The following KCNH8 variants were observed in gnomAD, a reference collection of about 807,000 sequenced individuals.
KCNH8 encodes potassium voltage-gated channel subfamily H member 8, also known as voltage-gated delayed rectifier potassium channel KCNH8.
KCNH8 carries 70 observed loss-of-function variants against 103.6 expected under a neutral mutation model. That is an observed-to-expected ratio of 0.68 (90% CI 0.56 to 0.82). The LOEUF is 0.82. KCNH8 is among the 40% of genes least tolerant of loss of function. KCNH8 has a pLI of 0.00. For missense variants in KCNH8, 1,217 were observed against 1,329.9 expected (o/e 0.92, Z 1.32); for synonymous variants, 498 against 489.4 (o/e 1.02, Z -0.23).
intron 2 of KCNH8, among the ~76,000 whole-genome samples, chr3:19,275,998 T>G (rs2064665098): frequency 6.6e-6 from 1 of 151,978 alleles, no homozygotes; most frequent in African/African-American, 2.4e-5. Flanking sequence ...AACAAAACAG[T>G]AGCAAATATA....
intron 14 of KCNH8, among the ~76,000 whole-genome samples, chr3:19,517,285 T>C (rs184516639): frequency 7.6e-4 from 116 of 152,216 alleles, no homozygotes; most frequent in Non-Finnish European, 1.4e-3. Flanking sequence ...AAACAATTTC[T>C]TATTACTCTA....
At position 19,197,536 on chromosome 3, in the gene KCNH8, G is replaced by A. The variant is rs186790340; in HGVS notation, c.76+48741G>A. Among the ~76,000 whole-genome samples, 3 of 152,098 alleles carry A rather than the reference G, an allele frequency of 2.0e-5. No homozygotes were observed. In the East Asian group the frequency reaches 5.8e-4, roughly 29 times the overall value. On this transcript the variant is annotated intron_variant, in intron 1 of 15. Coordinates refer to ENST00000328405, the MANE Select transcript of KCNH8 (RefSeq NM_144633.3). ...GGGTATGTAAGCATTTGTGCATCAT[G>A]TCCTTAAAGGCAATTTAGTGCAGTA...
At chr3:19,436,044 C>T (rs10510487) in intron 7 of KCNH8, among the ~76,000 whole-genome samples, 7,123 of 152,020 alleles carry the variant, frequency 0.047, 178 homozygotes, top group East Asian at 0.079. Context: ...ACTATGCAAT[C>T]GAAAAATACA....
chr3:19,280,587 T>C (rs915446105), intron 2 of KCNH8, among the ~76,000 whole-genome samples: 2 of 152,114 alleles, frequency 1.3e-5, no homozygotes, highest in Non-Finnish European at 2.9e-5. Context: ...TTTCAAATGA[T>C]TGTAAGTCAC....
chr3:19,236,225 C>T (rs898108430), intron 1 of KCNH8, among the ~76,000 whole-genome samples: 1 of 152,216 alleles, frequency 6.6e-6, no homozygotes, highest in African/African-American at 2.4e-5. Flanking sequence ...TCTTTGAATC[C>T]TGGAAGAAGT....
chr3:19,382,178 A>T (rs540696438), intron 5 of KCNH8, among the ~76,000 whole-genome samples: 2 of 152,312 alleles, frequency 1.3e-5, no homozygotes, highest in African/African-American at 4.8e-5. Flanking sequence ...TTATCTTTAT[A>T]TGATTCTAAA....
intron 2 of KCNH8, among the ~76,000 whole-genome samples, chr3:19,277,226 T>G (rs900938637): frequency 6.6e-6 from 1 of 151,980 alleles, no homozygotes; most frequent in Non-Finnish European, 1.5e-5. Flanking sequence ...AAGGGAAAAA[T>G]ATCTATAAAG....
chr3:19,188,454 A>G (rs148584591), intron 1 of KCNH8, among the ~76,000 whole-genome samples: 13 of 152,200 alleles, frequency 8.5e-5, no homozygotes, highest in African/African-American at 2.4e-4. Context: ...TTAGTTTCCA[A>G]TACAACTTTA....
At chr3:19,475,992 C>G (rs901523405) in intron 11 of KCNH8, among the ~76,000 whole-genome samples, 3 of 152,150 alleles carry the variant, frequency 2.0e-5, no homozygotes, top group Non-Finnish European at 4.4e-5. Flanking sequence ...GGCCATACGT[C>G]TACTACCTGT....
chr3:19,468,595 G>T (rs987882524), intron 11 of KCNH8, among the ~76,000 whole-genome samples: 1 of 152,190 alleles, frequency 6.6e-6, no homozygotes, highest in Admixed American at 6.5e-5. Context: ...GAAAAATAAA[G>T]ATTGCAATCT....
chr3:19,451,303 G>C lies in KCNH8; in HGVS notation c.1724G>C (p.Gly575Ala), dbSNP rs1157407751. 47 of 1,613,828 alleles carry C rather than the reference G, an allele frequency of 2.9e-5. 1 individual carries two copies. The highest frequency in any genetic ancestry group is 3.8e-5 in the Non-Finnish European group (45 of 1,179,900). Reference sequence around the variant, plus strand: ...ATCAAAACCTCTTTCTGTGCTCCGGGGGAGTATCTGCTGCGTCAAGGGGAT... The same window carrying C: ...ATCAAAACCTCTTTCTGTGCTCCGGCGGAGTATCTGCTGCGTCAAGGGGAT... Reference protein sequence around the residue: ...LHIKTSFCAPGEYLLRQGDAL... With the variant: ...LHIKTSFCAPAEYLLRQGDAL... The change falls in exon 10 of 16, where the codon GGG becomes GCG. Residue 575 changes from glycine to alanine, a missense_variant. Physicochemically the swap from Gly to Ala is moderately conservative, Grantham distance 60 (BLOSUM62 0). Coordinates refer to ENST00000328405, the MANE Select transcript of KCNH8 (RefSeq NM_144633.3).
intron 1 of KCNH8, among the ~76,000 whole-genome samples, chr3:19,253,166 A>T (rs1159324124): frequency 6.6e-6 from 1 of 152,052 alleles, no homozygotes; most frequent in Admixed American, 6.6e-5. Flanking sequence ...TCTCTTCCCT[A>T]TCTCAATTTA....
intron 3 of KCNH8, among the ~76,000 whole-genome samples, chr3:19,334,276 C>T (rs370883768): frequency 1.3e-5 from 2 of 152,134 alleles, no homozygotes; most frequent in Non-Finnish European, 2.9e-5. Flanking sequence ...GAGCAGGCAT[C>T]TGGCCAGTGT....
chr3:19,516,029 C>T (rs2068868817), intron 14 of KCNH8, among the ~76,000 whole-genome samples: 1 of 151,902 alleles, frequency 6.6e-6, no homozygotes, highest in East Asian at 1.9e-4. Context: ...GTCAACAAGA[C>T]AAATAAAATG....
intron 1 of KCNH8, among the ~76,000 whole-genome samples, chr3:19,149,627 T>G (rs377406173): frequency 1.3e-5 from 2 of 152,302 alleles, no homozygotes; most frequent in South Asian, 2.1e-4. Context: ...TCAAGCTCTC[T>G]ACTTGACCCT....
chr3:19,180,686 T>G (rs920036169), intron 1 of KCNH8, among the ~76,000 whole-genome samples: 2 of 151,926 alleles, frequency 1.3e-5, no homozygotes, highest in Non-Finnish European at 2.9e-5. Flanking sequence ...GTTTTTTTTG[T>G]TTGTTTGTTT....
intron 7 of KCNH8, among the ~76,000 whole-genome samples, chr3:19,400,518 G>A (rs1285653794): frequency 6.6e-6 from 1 of 151,800 alleles, no homozygotes; most frequent in Non-Finnish European, 1.5e-5. Flanking sequence ...CTACTTCAAA[G>A]GTCAAAGAGT....
At chr3:19,188,904 A>G (rs150656404) in intron 1 of KCNH8, among the ~76,000 whole-genome samples, 90 of 152,066 alleles carry the variant, frequency 5.9e-4, no homozygotes, top group Non-Finnish European at 5.7e-4. Flanking sequence ...TCATTCTCCC[A>G]AGTAGCTGAC....
intron 3 of KCNH8, among the ~76,000 whole-genome samples, chr3:19,283,610 AAGAC>A (rs1202225978): frequency 1.3e-5 from 2 of 152,016 alleles, no homozygotes; most frequent in South Asian, 2.1e-4. Context: ...TATTTTTAGA[AAGAC>A]AGAGTAACTG....
Sources: allele counts gnomAD v4.1 joint callset (sites outside exome capture counted in the v4.1 genomes callset), GRCh38; gene constraint gnomAD v4.1.1; transcripts MANE v1.5; gene names NCBI Gene and HGNC (gene_info 2026-07-23, HGNC 2026-07-21).